VWCE: variants seen among roughly 807,000 people sequenced by gnomAD.
VWCE encodes von Willebrand factor C and EGF domains.
VWCE carries 68 observed loss-of-function variants against 102.9 expected under a neutral mutation model. That is an observed-to-expected ratio of 0.66 (90% CI 0.54 to 0.81). VWCE has a LOEUF of 0.81. VWCE is among the 30% of genes least tolerant of loss of function. The pLI, the probability that VWCE is intolerant of heterozygous loss-of-function variation, is 0.00. For synonymous variants in VWCE, 497 were observed against 515.4 expected (o/e 0.96, Z 0.48); for missense variants, 1,137 against 1,263.6 (o/e 0.90, Z 1.52).
At chr11:61,268,070 C>T (rs1854564504) in intron 15 of VWCE, among the ~76,000 whole-genome samples, 1 of 150,554 alleles carries the variant, frequency 6.6e-6, no homozygotes. Flanking sequence ...GTAGGGGAAG[C>T]TTTAAAAAAA....
At chr11:61,263,964 G>T (rs1391520997) in intron 19 of VWCE, among the ~76,000 whole-genome samples, 1 of 151,964 alleles carries the variant, frequency 6.6e-6, no homozygotes, top group Non-Finnish European at 1.5e-5. Context: ...AGTGGCTCAC[G>T]CCTGTAATCC....
Position 61,281,827 on chromosome 11 carries a change from C to T in VWCE, c.746G>A (p.Arg249Gln), listed in dbSNP as rs778406140. ...NTVGSFLCTC[R>Q]PGFRLRADRV... ...GTCAGCTCGGAGCCTGAAGCCAGGT[C>T]GGCATGTGCATAGGAAGCTGCCCAC... is the stretch of plus-strand genomic sequence containing the variant. Residue 249 changes from arginine to glutamine, a missense_variant, in exon 7 of 20, where the codon CGA becomes CAA. Arg to Gln is a conservative substitution (Grantham distance 43, BLOSUM62 1). This residue lies in a region of VWCE where 575 missense variants were observed against 625.9 expected (regional missense o/e 0.92). Transcript: ENST00000335613. 1.7e-5 allele frequency: 28 copies of T among 1,613,828 alleles called. No individual in the cohort carries two copies. In the South Asian group the frequency reaches 2.4e-4, roughly 14 times the overall value.
intron 14 of VWCE, among the ~76,000 whole-genome samples, chr11:61,269,742 G>C (rs935206394): frequency 4.6e-5 from 7 of 151,400 alleles, no homozygotes; most frequent in Admixed American, 4.6e-4. Flanking sequence ...CACCGCAACC[G>C]GCCTCTTTTT....
intron 7 of VWCE, among the ~76,000 whole-genome samples, chr11:61,281,582 G>T (rs974740309): frequency 5.3e-5 from 8 of 152,164 alleles, no homozygotes; most frequent in Admixed American, 5.2e-4. Context: ...TAACAAACAA[G>T]ATGAACTCAA....
intron 10 of VWCE, among the ~76,000 whole-genome samples, chr11:61,278,182 G>A (rs890952628): frequency 2.0e-5 from 3 of 152,140 alleles, no homozygotes; most frequent in Admixed American, 6.5e-5. Flanking sequence ...TGTCTGCTGC[G>A]GAGCAGAAGC....
intron 1 of VWCE, among the ~76,000 whole-genome samples, chr11:61,293,241 C>CAAAAAAAA (rs764741197): frequency 0.021 from 377 of 18,014 alleles, 65 homozygotes; most frequent in African/African-American, 0.069. Flanking sequence ...AACTCCATCT[C>CAAAAAAAA]AAAAAAAAAA....
At position 61,259,160 on chromosome 11, in the gene VWCE, C is replaced by G. The variant is rs769416718; in HGVS notation, c.2383G>C (p.Val795Leu). ...AAAAGGAGCTGGAGGAGATGAAGCACCGGCCTCGAGGGTGATGCTGTCGGG... is the reference window on the plus strand; with the variant it reads ...AAAAGGAGCTGGAGGAGATGAAGCAGCGGCCTCGAGGGTGATGCTGTCGGG... Reference protein sequence around the residue: ...GPPTASPSRPVLHLLQLLLRT... With the variant: ...GPPTASPSRPLLHLLQLLLRT... The change falls in exon 20 of 20, where the codon GTG (valine) becomes CTG (leucine). Residue 795 changes from valine (V) to leucine (L), a missense_variant. Physicochemically the swap from Val to Leu is conservative, Grantham distance 32 (BLOSUM62 1). Coordinates refer to ENST00000335613, the MANE Select transcript of VWCE (RefSeq NM_152718.2). 4.3e-6 allele frequency: 7 copies of G among 1,614,166 alleles called. No homozygotes were observed. The highest frequency in any genetic ancestry group is 5.9e-6 in the Non-Finnish European group (7 of 1,180,028).
At position 61,281,007 on chromosome 11, in the gene VWCE, G is replaced by A; in HGVS notation, c.1016C>T (p.Thr339Ile). The A allele has an allele frequency of 6.4e-7, 1 of 1,561,724 alleles. No individual in the cohort carries two copies. The change falls in exon 8 of 20, where the codon ACC (threonine) becomes ATC (isoleucine). Residue 339 changes from threonine (T) to isoleucine (I), a missense_variant. Physicochemically the swap from Thr to Ile is moderately conservative, Grantham distance 89. Around this residue, in one of 5 missense-constraint regions of VWCE, gnomAD observed 575 missense variants for 625.9 expected, o/e 0.92. Transcript: ENST00000335613. Reference sequence around the variant, plus strand: ...AGTAGGCACTGGGGTGGCCAGCAGGGTGGACAGCAGCCACACAGGGGCAGA... The same window carrying A: ...AGTAGGCACTGGGGTGGCCAGCAGGATGGACAGCAGCCACACAGGGGCAGA... Reference protein sequence around the residue: ...SPSAPVWLLSTLLATPVPTAS... With the variant: ...SPSAPVWLLSILLATPVPTAS...
In VWCE at chr11:61,294,270, C is replaced by A. The variant is rs1000005426; in HGVS notation, c.110+658G>T. Among the ~76,000 whole-genome samples the A allele has an allele frequency of 1.3e-5, 2 of 152,190 alleles. No individual in the cohort carries two copies. The highest frequency in any genetic ancestry group is 4.8e-5 in the African/African-American group (2 of 41,462). On this transcript the variant is annotated intron_variant, in intron 1 of 19. Coordinates refer to ENST00000335613, the MANE Select transcript of VWCE (RefSeq NM_152718.2). This position sits in a 1 kb window ranked among gnomAD's most constrained non-coding sequence, Gnocchi z 6.3. Reference sequence around the variant, plus strand: ...GGCCGGGCCGCCCCCGCTGCGCGCCCCCCGGAGGACGTGGCCGCGGGCCAG... The same window carrying A: ...GGCCGGGCCGCCCCCGCTGCGCGCCACCCGGAGGACGTGGCCGCGGGCCAG...
rs373070434 is a variant in VWCE, at chr11:61,276,567, C to T, written c.1495+26G>A. On this transcript the variant is annotated intron_variant, in intron 11 of 19. Coordinates refer to ENST00000335613, the MANE Select transcript of VWCE (RefSeq NM_152718.2). The stretch of plus-strand genomic sequence containing the variant: ...AAAAATCTAAAAAAAAAAAAAAAAG[C>T]AAAATGCTCCAAGAGTGTCACTTAC... 3.3e-4 allele frequency: 446 copies of T among 1,341,210 alleles called. 1 individual carries two copies. The highest frequency in any genetic ancestry group is 4.1e-4 in the Non-Finnish European group (419 of 1,030,316). 83.1% of individuals were successfully genotyped at this position (1,341,210 alleles called of 1,614,324 possible).
rs769779558 is a variant in VWCE at position 61,264,970 on chromosome 11, G to A, written c.2125C>T (p.Arg709Trp). The A allele has an allele frequency of 3.6e-5, 58 of 1,613,732 alleles. No homozygotes were observed. Among genetic ancestry groups the A allele is most frequent in the African/African-American group, 5.3e-5 (4 of 74,924 alleles). ...VFTLDDEPCT[R>W]CTCQLGEVSC... Reference sequence around the variant, plus strand: ...GCCCAGCTCACCTGGCACGTGCACCGGGTGCAGGGTTCATCATCCAAGGTG... The same window carrying A: ...GCCCAGCTCACCTGGCACGTGCACCAGGTGCAGGGTTCATCATCCAAGGTG... The change falls in exon 18 of 20, where the codon CGG becomes TGG. Residue 709 changes from arginine (R) to tryptophan (W), a missense_variant. Coordinates refer to ENST00000335613, the MANE Select transcript of VWCE (RefSeq NM_152718.2).
At chr11:61,270,589 G>T (rs915554244) in intron 14 of VWCE, among the ~76,000 whole-genome samples, 8 of 152,186 alleles carry the variant, frequency 5.3e-5, no homozygotes, top group Non-Finnish European at 8.8e-5. Flanking sequence ...TGTTTGCATT[G>T]TTGTTGATCT....
chr11:61,294,306 GAC>G lies in VWCE; in HGVS notation c.110+620_110+621del, dbSNP rs1454887932. Among the ~76,000 whole-genome samples, 1 of 152,212 alleles carries G rather than the reference GAC, an allele frequency of 6.6e-6. No homozygotes were observed. Among genetic ancestry groups the G allele is most frequent in the African/African-American group, 2.4e-5 (1 of 41,468 alleles). Reference sequence around the variant, plus strand: ...GTGGCCGCGGGCCAGGCCGCCTGCTGACACAGTGTTCCCTAGCTCCGAGCATC... The same window carrying G: ...GTGGCCGCGGGCCAGGCCGCCTGCTGACAGTGTTCCCTAGCTCCGAGCATC... On this transcript the variant is annotated intron_variant, in intron 1 of 19. Transcript: ENST00000335613. This position sits in a 1 kb window ranked among gnomAD's most constrained non-coding sequence, Gnocchi z 6.3.
At chr11:61,262,760 AT>A (rs1442820292) in intron 19 of VWCE, among the ~76,000 whole-genome samples, 1 of 152,238 alleles carries the variant, frequency 6.6e-6, no homozygotes. Flanking sequence ...AAAAAAGGGA[AT>A]TCAGGCCACC....
At position 61,259,252 on chromosome 11, in the gene VWCE, C is replaced by T. The variant is rs147716958; in HGVS notation, c.2291G>A (p.Ser764Asn). 1.3e-5 allele frequency: 21 copies of T among 1,610,484 alleles called. No homozygotes were observed. In the African/African-American group the frequency reaches 1.3e-4, roughly 10 times the overall value. Residue 764 changes from serine (S) to asparagine (N), a missense_variant, in exon 20 of 20, where the codon AGC (serine) becomes AAC (asparagine). Transcript: ENST00000335613. ...GLSPHGNVAF[S>N]KAGRSLHGDT... ...TCCATGCAGGCTCCGACCAGCTTTG[C>T]TGAATGCCACATTTCCGTGAGGGGA...
intron 6 of VWCE, 58 bp from the exon 7 acceptor site, chr11:61,281,972 C>T (rs1054722255): frequency 1.5e-5 from 24 of 1,577,610 alleles, no homozygotes; most frequent in Non-Finnish European, 1.9e-5. Context: ...GCCCTTCTTC[C>T]GCCCATCCCT....
Position 61,276,601 on chromosome 11 carries a change from C to A in VWCE, c.1487G>T (p.Cys496Phe). The A allele has an allele frequency of 1.3e-6, 2 of 1,581,704 alleles. No homozygotes were observed. The highest frequency in any genetic ancestry group is 8.6e-7 in the Non-Finnish European group (1 of 1,165,626). Reference sequence around the variant, plus strand: ...CCAAGAGTGTCACTTACCTGGAACACAAGTACAGCAATCCGTCTGTGGGGG... The same window carrying A: ...CCAAGAGTGTCACTTACCTGGAACAAAAGTACAGCAATCCGTCTGTGGGGG... ...QTPPQTDCCT[C>F]VPVRCYFHGR... The change falls in exon 11 of 20, where the codon TGT becomes TTT. Residue 496 changes from cysteine (C) to phenylalanine (F), a missense_variant. Around this residue, in one of 5 missense-constraint regions of VWCE, gnomAD observed 212 missense variants for 235.1 expected, o/e 0.90. Transcript: ENST00000335613.
chr11:61,276,421 AG>A (rs930519672), intron 11 of VWCE, among the ~76,000 whole-genome samples, 171 bp downstream of exon 11: 21 of 150,780 alleles, frequency 1.4e-4, no homozygotes, highest in African/African-American at 4.6e-4. Context: ...AAAAAAAAAA[AG>A]GAGCAAAATG....
chr11:61,276,421 A>G (rs1307399479), intron 11 of VWCE, among the ~76,000 whole-genome samples, 172 bp downstream of exon 11: 2 of 150,666 alleles, frequency 1.3e-5, no homozygotes, highest in African/African-American at 4.9e-5. Context: ...AAAAAAAAAA[A>G]GGAGCAAAAT....
Sources: allele counts gnomAD v4.1 joint callset (sites outside exome capture counted in the v4.1 genomes callset), GRCh38; gene constraint gnomAD v4.1.1; regional missense constraint gnomAD v4.1.1; non-coding constraint Gnocchi (gnomAD v3.1); transcripts MANE v1.5; gene names NCBI Gene and HGNC (gene_info 2026-07-23, HGNC 2026-07-21).